The following CEP350 variants were observed in gnomAD, a reference collection of about 807,000 sequenced individuals.
CEP350 encodes centrosome-associated protein 350.
In CEP350, 126 loss-of-function variants were observed where a neutral mutation model predicts 331.8. That is an observed-to-expected ratio of 0.38 (90% CI 0.33 to 0.44). The LOEUF is 0.44. CEP350 is among the 20% of genes least tolerant of loss of function. CEP350 has a pLI of 1.00. For missense variants in CEP350, 3,406 were observed against 3,634.6 expected (o/e 0.94, Z 1.62); for synonymous variants, 1,200 against 1,259.5 (o/e 0.95, Z 1.00).
intron 27 of CEP350, among the ~76,000 whole-genome samples, chr1:180,068,080 G>A (rs79227427): frequency 0.035 from 5,403 of 152,252 alleles, 182 homozygotes; most frequent in African/African-American, 0.072. Flanking sequence ...AAGAGTAGTC[G>A]TCCTTCTCAG....
intron 27 of CEP350, among the ~76,000 whole-genome samples, chr1:180,074,133 G>A (rs934342255): frequency 4.6e-5 from 7 of 152,218 alleles, no homozygotes; most frequent in East Asian, 3.9e-4. Flanking sequence ...GTGTTTGTGC[G>A]ATACATGTAC....
At chr1:180,067,799 G>A (rs534798462) in intron 27 of CEP350, among the ~76,000 whole-genome samples, 3 of 152,202 alleles carry the variant, frequency 2.0e-5, no homozygotes, top group Non-Finnish European at 4.4e-5. Context: ...ACAAAGTAAT[G>A]TGAAAACTAG....
chr1:180,075,519 T>C (rs1361005871), intron 28 of CEP350, among the ~76,000 whole-genome samples: 1 of 152,068 alleles, frequency 6.6e-6, no homozygotes, highest in African/African-American at 2.4e-5. Context: ...CAGAGAGCTA[T>C]GATCAACCCC....
At chr1:179,999,498 A>G (rs1653716989) in intron 6 of CEP350, among the ~76,000 whole-genome samples, 1 of 152,096 alleles carries the variant, frequency 6.6e-6, no homozygotes, top group Non-Finnish European at 1.5e-5. Flanking sequence ...ACAATGAAAA[A>G]CTGTTTTTCT....
intron 20 of CEP350, among the ~76,000 whole-genome samples, chr1:180,043,542 A>G (rs1408117108): frequency 6.6e-6 from 1 of 152,198 alleles, no homozygotes; most frequent in Non-Finnish European, 1.5e-5. Flanking sequence ...TAAAGGAGGT[A>G]AAGAATAGCT....
intron 25 of CEP350, among the ~76,000 whole-genome samples, chr1:180,055,747 C>T (rs1238931338): frequency 2.0e-4 from 31 of 151,812 alleles, no homozygotes; most frequent in African/African-American, 2.4e-5. Context: ...GGGATTTCAC[C>T]ATGTCAGCCA....
chr1:179,981,958 CT>C (rs1558076548), intron 1 of CEP350, among the ~76,000 whole-genome samples: 1 of 152,160 alleles, frequency 6.6e-6, no homozygotes, highest in Non-Finnish European at 1.5e-5. Flanking sequence ...CTTGATTGCA[CT>C]ACTACACTCC....
intron 20 of CEP350, among the ~76,000 whole-genome samples, chr1:180,043,759 G>A (rs1401807438): frequency 7.3e-6 from 1 of 137,538 alleles, no homozygotes; most frequent in Non-Finnish European, 1.6e-5. Context: ...GGGACTGGGT[G>A]ACATTACCAT....
intron 1 of CEP350, among the ~76,000 whole-genome samples, chr1:179,972,101 G>A (rs1427162911): frequency 6.6e-6 from 1 of 152,166 alleles, no homozygotes; most frequent in African/African-American, 2.4e-5. Context: ...GTGCGATAAT[G>A]AGCTGGCTCT....
At chr1:180,110,635 TTCTG>T (rs1266290306) in intron 37 of CEP350, among the ~76,000 whole-genome samples, 1 of 152,214 alleles carries the variant, frequency 6.6e-6, no homozygotes, top group African/African-American at 2.4e-5. Context: ...AGAGGAACAT[TTCTG>T]TCTAATATTT....
chr1:180,080,480 C>CA (rs1250200738), intron 29 of CEP350, 37 bp from the exon 30 acceptor site: 4 of 1,584,876 alleles, frequency 2.5e-6, no homozygotes, highest in Non-Finnish European at 2.6e-6. Context: ...ACAATTATAT[C>CA]AAAAAATAGT....
At chr1:179,970,227 A>G (rs1651342065) in intron 1 of CEP350, among the ~76,000 whole-genome samples, 1 of 152,200 alleles carries the variant, frequency 6.6e-6, no homozygotes, top group Non-Finnish European at 1.5e-5. Context: ...AAATAGTACT[A>G]ATGTTACATA....
At chr1:180,055,546 CTTTTTTTTT>C (rs71118430) in intron 25 of CEP350, among the ~76,000 whole-genome samples, 4 of 87,454 alleles carry the variant, frequency 4.6e-5, no homozygotes, top group Admixed American at 3.4e-4. Flanking sequence ...TGAATTCCAT[CTTTTTTTTT>C]TTTTTTTTTT....
chr1:179,982,854 G>C (rs189313930), intron 1 of CEP350, among the ~76,000 whole-genome samples: 1 of 152,160 alleles, frequency 6.6e-6, no homozygotes, highest in East Asian at 1.9e-4. Context: ...CTTGTGGCGC[G>C]ATCTTGGCTC....
rs185626097 is a variant in CEP350, at chr1:180,003,446, G to A, written c.1132+159G>A. On this transcript the variant is annotated intron_variant, in intron 7 of 37. Transcript: ENST00000367607. Reference sequence around the variant, plus strand: ...TGGTTTGAGGCATAAGGCTCTCTTAGCCTCTAGACTCAGCTCCAGGGTTAA... The same window carrying A: ...TGGTTTGAGGCATAAGGCTCTCTTAACCTCTAGACTCAGCTCCAGGGTTAA... 1.7e-3 allele frequency among the ~76,000 whole-genome samples: 263 copies of A among 152,280 alleles called. 1 individual carries two copies. The highest frequency in any genetic ancestry group is 2.8e-3 in the Non-Finnish European group (192 of 68,024).
At chr1:180,064,437 A>G (rs1334065092) in intron 26 of CEP350, among the ~76,000 whole-genome samples, 1 of 149,826 alleles carries the variant, frequency 6.7e-6, no homozygotes, top group Non-Finnish European at 1.5e-5. Context: ...CAAGGGCTCT[A>G]CTTTTTTTTT....
rs897987512 is a variant in CEP350, at chr1:179,992,138, T to C, written c.312T>C (p.Arg104=). The C allele has an allele frequency of 1.9e-6, 3 of 1,549,094 alleles. No individual in the cohort carries two copies. The highest frequency in any genetic ancestry group is 2.6e-6 in the Non-Finnish European group (3 of 1,149,888). Residue 104 remains arginine (R), a synonymous_variant, in exon 5 of 38, where the codon CGT becomes CGC. Transcript: ENST00000367607. ...CTAAATCACGAAAAGAGAAATCTCG[T>C]AGTCCTCTCAGGGCCACCACCCTGG... ...KSTKSRKEKS[R]SPLRATTLES...
intron 15 of CEP350, among the ~76,000 whole-genome samples, chr1:180,033,539 G>A (rs1212157122): frequency 1.3e-5 from 2 of 152,060 alleles, no homozygotes; most frequent in Non-Finnish European, 2.9e-5. Context: ...AGAAGACTTT[G>A]CTTCATGCTA....
chr1:180,001,315 G>T (rs894074873), intron 6 of CEP350, among the ~76,000 whole-genome samples: 3 of 152,114 alleles, frequency 2.0e-5, no homozygotes, highest in African/African-American at 7.2e-5. Flanking sequence ...CTGGAGTGCA[G>T]TGGCATAATC....
Sources: allele counts gnomAD v4.1 joint callset (sites outside exome capture counted in the v4.1 genomes callset), GRCh38; gene constraint gnomAD v4.1.1; transcripts MANE v1.5; gene names NCBI Gene and HGNC (gene_info 2026-07-23, HGNC 2026-07-21).